The following MAGI2 variants were observed in gnomAD, a reference collection of about 807,000 sequenced individuals.
MAGI2 encodes the protein membrane-associated guanylate kinase, WW and PDZ domain-containing protein 2.
A neutral mutation model predicts 133.3 loss-of-function variants in MAGI2; 35 were observed. That is an observed-to-expected ratio of 0.26 (90% CI 0.20 to 0.35). The LOEUF is 0.35. Ranked by LOEUF, MAGI2 falls within the 10% of genes least tolerant of loss-of-function variation. The pLI is 1.00. For synonymous variants in MAGI2, 729 were observed against 710.6 expected (o/e 1.03, Z -0.41); for missense variants, 1,636 against 1,863.4 (o/e 0.88, Z 2.25).
At chr7:78,875,155 G>A (rs1795321979) in intron 2 of MAGI2, among the ~76,000 whole-genome samples, 1 of 151,924 alleles carries the variant, frequency 6.6e-6, no homozygotes, top group South Asian at 2.1e-4. Context: ...AGATGTAAGG[G>A]GACAGCTGGG....
intron 21 of MAGI2, among the ~76,000 whole-genome samples, chr7:78,028,440 A>G (rs1473288875): frequency 6.6e-6 from 1 of 152,182 alleles, no homozygotes; most frequent in Non-Finnish European, 1.5e-5. Flanking sequence ...AATCTCATGG[A>G]TAGGTGGGGC....
At chr7:78,726,661 A>AT (rs1820842734) in intron 2 of MAGI2, among the ~76,000 whole-genome samples, 1 of 152,140 alleles carries the variant, frequency 6.6e-6, no homozygotes, top group Non-Finnish European at 1.5e-5. Context: ...AACAGAGAAT[A>AT]CTTCTCCCAA....
At chr7:79,168,905 T>TATAG in intron 1 of MAGI2, among the ~76,000 whole-genome samples, 1 of 9,258 alleles carries the variant, frequency 1.1e-4, no homozygotes, top group Admixed American at 1.1e-3. Flanking sequence ...TATATATATA[T>TATAG]ATATATATAT....
chr7:78,019,809 G>A lies in MAGI2; in HGVS notation c.3874C>T (p.His1292Tyr), dbSNP rs781472778. 1.1e-5 allele frequency: 17 copies of A among 1,613,338 alleles called. No individual in the cohort carries two copies. The highest frequency in any genetic ancestry group is 4.0e-5 in the African/African-American group (3 of 74,900). ...PGPTWDIKRE[H>Y]DVRKPKELSA... is the part of the protein sequence containing the mutation. ...AGCTCCTTTGGTTTCCTAACGTCGT[G>A]TTCCCGTTTGATATCCCAAGTTGGG... Residue 1292 changes from histidine to tyrosine, a missense_variant, in exon 22 of 22, where the codon CAC becomes TAC. Physicochemically the swap from His to Tyr is moderately conservative, Grantham distance 83 (BLOSUM62 2). Transcript: ENST00000354212.
chr7:78,627,123 C>A lies in MAGI2; in HGVS notation c.535G>T (p.Glu179Ter). Residue 179 changes from glutamate to a stop codon, truncating the protein, a stop_gained, in exon 3 of 22, where the codon GAA (glutamate) becomes TAA (stop). Transcript: ENST00000354212. LOFTEE classifies it high-confidence loss of function. Reference protein sequence around the residue: ...SGALLESGTYEDNYYGTPKPP... With the variant: ...SGALLESGTY The stretch of plus-strand genomic sequence containing the variant: ...TTCTCAGGAACGTTGTGCTTACCTT[C>A]ATAAGTCCCACTTTCTAGGAGAGCA... The A allele has an allele frequency of 6.3e-7, 1 of 1,582,216 alleles. No individual in the cohort carries two copies. The highest frequency in any genetic ancestry group is 1.2e-5 in the South Asian group (1 of 85,530).
intron 1 of MAGI2, among the ~76,000 whole-genome samples, chr7:79,084,129 G>A (rs979462010): frequency 4.6e-5 from 7 of 151,254 alleles, no homozygotes; most frequent in Non-Finnish European, 8.9e-5. Flanking sequence ...GATCTCTATT[G>A]TTTTTCTATT....
chr7:78,601,311 C>G (rs1805178304), intron 3 of MAGI2, among the ~76,000 whole-genome samples: 1 of 151,912 alleles, frequency 6.6e-6, no homozygotes, highest in South Asian at 2.1e-4. Context: ...AAGTAGAACA[C>G]AAGTTGGTTA....
chr7:79,294,921 G>A (rs1836808548), intron 1 of MAGI2, among the ~76,000 whole-genome samples: 2 of 147,818 alleles, frequency 1.4e-5, no homozygotes, highest in Non-Finnish European at 3.0e-5. Context: ...TTTTTTTTTA[G>A]TAGAGACGGG....
At chr7:78,200,082 C>G (rs1261433456) in intron 11 of MAGI2, among the ~76,000 whole-genome samples, 1 of 152,158 alleles carries the variant, frequency 6.6e-6, no homozygotes, top group Non-Finnish European at 1.5e-5. Flanking sequence ...TCACATGCAT[C>G]CTTAAGTGAT....
intron 20 of MAGI2, among the ~76,000 whole-genome samples, chr7:78,086,911 C>T (rs185535088): frequency 6.6e-6 from 1 of 152,318 alleles, no homozygotes; most frequent in East Asian, 1.9e-4. Flanking sequence ...GCTACGATTA[C>T]AGGCGTGAGC....
chr7:78,298,891 C>T (rs1388223629), intron 9 of MAGI2, among the ~76,000 whole-genome samples: 1 of 145,646 alleles, frequency 6.9e-6, no homozygotes, highest in Admixed American at 7.0e-5. Flanking sequence ...TCTCAGCTCA[C>T]TGCAACCTCT....
rs117089139 is a variant in MAGI2, at chr7:79,306,663, A to G, written c.301+146357T>C. On this transcript the variant is annotated intron_variant, in intron 1 of 21. Transcript: ENST00000354212. ...GTGGTCTGGATTTCAAACTTTCAAC[A>G]GTCAGTCTAAATGTAAACAACAAAC... Among the ~76,000 whole-genome samples, 322 of 152,274 alleles carry G rather than the reference A, an allele frequency of 2.1e-3. 1 individual carries two copies. Among genetic ancestry groups the G allele is most frequent in the Non-Finnish European group, 4.0e-3 (272 of 68,028 alleles).
intron 20 of MAGI2, among the ~76,000 whole-genome samples, chr7:78,090,704 A>G (rs574651684): frequency 6.6e-6 from 1 of 152,372 alleles, no homozygotes; most frequent in Non-Finnish European, 1.5e-5. Context: ...GGCAAAAAAA[A>G]TGTATTGAGG....
At chr7:78,476,085 G>A (rs780551504) in intron 6 of MAGI2, among the ~76,000 whole-genome samples, 1 of 151,768 alleles carries the variant, frequency 6.6e-6, no homozygotes, top group Admixed American at 6.6e-5. Flanking sequence ...ATTTTTCATG[G>A]CAAATAATTT....
intron 2 of MAGI2, among the ~76,000 whole-genome samples, chr7:78,685,593 A>G (rs1190832468): frequency 6.6e-6 from 1 of 151,966 alleles, no homozygotes; most frequent in East Asian, 1.9e-4. Context: ...CCAACAAAAA[A>G]GCACACGTGG....
intron 20 of MAGI2, among the ~76,000 whole-genome samples, chr7:78,086,873 G>T (rs566163500): frequency 6.6e-6 from 1 of 151,864 alleles, no homozygotes; most frequent in Non-Finnish European, 1.5e-5. Flanking sequence ...GAGCTCAAGT[G>T]ATCCACCCAT....
chr7:78,490,992 T>C (rs1274338940), intron 5 of MAGI2, among the ~76,000 whole-genome samples: 2 of 152,074 alleles, frequency 1.3e-5, no homozygotes, highest in Non-Finnish European at 2.9e-5. Context: ...AGCCAGGTAA[T>C]AGGCATACTT....
intron 2 of MAGI2, among the ~76,000 whole-genome samples, chr7:78,884,778 T>C (rs1209017050): frequency 2.0e-5 from 3 of 152,124 alleles, no homozygotes; most frequent in African/African-American, 4.8e-5. Context: ...CTCAAAGAAC[T>C]AAAAAAGATC....
At chr7:78,391,692 A>T (rs965692108) in intron 6 of MAGI2, among the ~76,000 whole-genome samples, 2 of 152,186 alleles carry the variant, frequency 1.3e-5, no homozygotes, top group African/African-American at 4.8e-5. Context: ...TAACTTTGCA[A>T]AGCATGAAAA....
Sources: gnomAD v4.1 joint callset for allele counts (sites outside exome capture counted in the v4.1 genomes callset) on GRCh38, gnomAD v4.1.1 for gene constraint, MANE v1.5 for transcripts, NCBI Gene and HGNC (gene_info 2026-07-23, HGNC 2026-07-21) for gene names.